RORA: variants seen among roughly 807,000 people sequenced by gnomAD.
The protein encoded by RORA is nuclear receptor ROR-alpha.
RORA carries 7 observed loss-of-function variants against 69.5 expected under a neutral mutation model. The ratio of observed to expected loss-of-function variants is 0.10; its 90% CI spans 0.06 to 0.19. The LOEUF is 0.19. Ranked by LOEUF, RORA falls within the 10% of genes least tolerant of loss-of-function variation. RORA has a pLI of 1.00. For synonymous variants in RORA, 261 were observed against 240.8 expected (o/e 1.08, Z -0.78); for missense variants, 457 against 663.0 (o/e 0.69, Z 3.41).
intron 1 of RORA, among the ~76,000 whole-genome samples, chr15:60,968,027 C>T (rs977068640): frequency 6.6e-6 from 1 of 152,214 alleles, no homozygotes; most frequent in African/African-American, 2.4e-5. Context: ...GGAAACACCA[C>T]TGAACATCAC....
At chr15:60,946,466 C>G (rs549613028) in intron 1 of RORA, among the ~76,000 whole-genome samples, 177 of 152,346 alleles carry the variant, frequency 1.2e-3, no homozygotes, top group Middle Eastern at 0.01. Context: ...GACGGGGTTT[C>G]GCTTTGTTGG....
At chr15:60,951,283 C>G (rs893046432) in intron 1 of RORA, among the ~76,000 whole-genome samples, 8 of 133,994 alleles carry the variant, frequency 6.0e-5, no homozygotes, top group South Asian at 2.8e-4. Flanking sequence ...GGGACACATT[C>G]AAAGCAGTGT....
chr15:61,165,721 A>G lies in RORA; in HGVS notation c.166+63332T>C, dbSNP rs75443409. 2.6e-4 allele frequency among the ~76,000 whole-genome samples: 40 copies of G among 152,284 alleles called. 1 individual carries two copies. In the East Asian group the frequency reaches 7.3e-3, roughly 28 times the overall value. ...GTTCACAGAAATGAAAGAGGGGCAA[A>G]CAACATCCCACTTTAAACATGAAAG... On this transcript the variant is annotated intron_variant, in intron 1 of 10. Coordinates refer to ENST00000335670, the MANE Select transcript of RORA (RefSeq NM_134261.3).
chr15:61,082,820 G>A (rs549558554), intron 1 of RORA, among the ~76,000 whole-genome samples: 1 of 152,166 alleles, frequency 6.6e-6, no homozygotes, highest in Admixed American at 6.5e-5. Flanking sequence ...AGGATTCTAA[G>A]AGAAGAGATA....
intron 1 of RORA, among the ~76,000 whole-genome samples, chr15:60,981,775 G>T (rs755891253): frequency 4.6e-5 from 7 of 150,576 alleles, no homozygotes; most frequent in Non-Finnish European, 8.8e-5. Context: ...TAAAGTCTTT[G>T]TCTAGTAATG....
At chr15:61,055,145 A>C (rs1026311250) in intron 1 of RORA, among the ~76,000 whole-genome samples, 1 of 152,140 alleles carries the variant, frequency 6.6e-6, no homozygotes, top group African/African-American at 2.4e-5. Flanking sequence ...CCTAAAACAC[A>C]GTCTTGAACT....
At chr15:60,623,513 T>C (rs2069476536) in intron 2 of RORA, among the ~76,000 whole-genome samples, 1 of 152,178 alleles carries the variant, frequency 6.6e-6, no homozygotes, top group Non-Finnish European at 1.5e-5. Context: ...GATTCCCCCA[T>C]GAAAGCACCA....
chr15:61,030,157 C>T (rs899143555), intron 1 of RORA, among the ~76,000 whole-genome samples: 1 of 152,076 alleles, frequency 6.6e-6, no homozygotes, highest in African/African-American at 2.4e-5. Flanking sequence ...GAAGTGTTCA[C>T]ATTAAAGGAA....
Position 60,531,586 on chromosome 15 carries a change from T to G in RORA, c.282+180A>C, listed in dbSNP as rs1567064973. ...TCTCCTATTATTTTGAAGGAAGGAGTAAAAATATATATAACTTCTTTAATT... is the reference window on the plus strand; with the variant it reads ...TCTCCTATTATTTTGAAGGAAGGAGGAAAAATATATATAACTTCTTTAATT... On this transcript the variant is annotated intron_variant, in intron 3 of 10. Coordinates refer to ENST00000335670, the MANE Select transcript of RORA (RefSeq NM_134261.3). The surrounding 1 kb of genome is among the most constrained non-coding windows in gnomAD (Gnocchi z 4.8). 11 of 521,510 alleles carry G rather than the reference T, an allele frequency of 2.1e-5. No individual in the cohort carries two copies. The highest frequency in any genetic ancestry group is 4.3e-5 in the Admixed American group (1 of 23,482). The allele number at this position is 521,510 out of a possible 1,614,324, so 32.3% of individuals were successfully genotyped here. A position where few individuals can be genotyped will look rare whatever the true frequency, so the allele number is the denominator to read the frequency against.
At chr15:60,547,516 G>A (rs370394301) in intron 2 of RORA, among the ~76,000 whole-genome samples, 29 of 151,590 alleles carry the variant, frequency 1.9e-4, no homozygotes, top group East Asian at 3.9e-4. Context: ...TAGTAGAGAC[G>A]GGTTTCTCCA....
chr15:60,516,104 TATATTATA>T (rs2065910290), intron 3 of RORA, among the ~76,000 whole-genome samples: 1 of 77,450 alleles, frequency 1.3e-5, no homozygotes, highest in African/African-American at 5.0e-5. Context: ...TATATATTTA[TATATTATA>T]TTATATATAT....
intron 5 of RORA, among the ~76,000 whole-genome samples, chr15:60,507,438 CATA>C (rs771753066): frequency 2.0e-5 from 3 of 152,032 alleles, no homozygotes; most frequent in Admixed American, 6.6e-5. Context: ...GACACTGAAA[CATA>C]ATAAACCTGA....
At chr15:60,868,582 A>G (rs1437019442) in intron 1 of RORA, among the ~76,000 whole-genome samples, 3 of 152,148 alleles carry the variant, frequency 2.0e-5, no homozygotes, top group Non-Finnish European at 2.9e-5. Context: ...CTACTGTGAG[A>G]GGGATTTAAA....
rs140565298 is a variant in RORA at position 61,105,336 on chromosome 15, C to T, written c.166+123717G>A. On this transcript the variant is annotated intron_variant, in intron 1 of 10. Coordinates refer to ENST00000335670, the MANE Select transcript of RORA (RefSeq NM_134261.3). ...GAAGAATGTGTGATTTGTTCCAACA[C>T]GGAACATGATATATACTCACTAAGT... is the stretch of plus-strand genomic sequence containing the variant. 8.7e-3 allele frequency among the ~76,000 whole-genome samples: 1,327 copies of T among 152,212 alleles called. 17 individuals are homozygous for T. Among genetic ancestry groups the T allele is most frequent in the Non-Finnish European group, 9.1e-3 (616 of 68,014 alleles).
rs1015351138 is a variant in RORA at position 60,724,043 on chromosome 15, C to G, written c.167-45357G>C. ...AATCTGATAGTGTGCAATCTGTATA[C>G]TGACTTTACCTCTGGCTTCATGTTA... On this transcript the variant is annotated intron_variant, in intron 1 of 10. Coordinates refer to ENST00000335670, the MANE Select transcript of RORA (RefSeq NM_134261.3). Among the ~76,000 whole-genome samples the G allele has an allele frequency of 2.3e-4, 35 of 152,188 alleles. 1 individual carries two copies. The highest frequency in any genetic ancestry group is 2.2e-3 in the Admixed American group (34 of 15,276).
intron 1 of RORA, among the ~76,000 whole-genome samples, chr15:61,002,279 G>A (rs745667555): frequency 2.0e-5 from 3 of 152,142 alleles, no homozygotes; most frequent in African/African-American, 4.8e-5. Flanking sequence ...GGGATGCAGC[G>A]TCAGTGTGTT....
At chr15:60,671,339 G>C (rs1019666691) in intron 2 of RORA, among the ~76,000 whole-genome samples, 10 of 152,016 alleles carry the variant, frequency 6.6e-5, no homozygotes, top group Non-Finnish European at 1.5e-4. Flanking sequence ...CTGGTGTGGG[G>C]TACATAGCTG....
At chr15:60,640,470 C>G (rs533928020) in intron 2 of RORA, among the ~76,000 whole-genome samples, 34 of 152,214 alleles carry the variant, frequency 2.2e-4, no homozygotes, top group African/African-American at 8.2e-4. Context: ...AAATGTAAAT[C>G]ACATCATGCC....
At chr15:61,143,232 G>A (rs1232494840) in intron 1 of RORA, among the ~76,000 whole-genome samples, 1 of 151,804 alleles carries the variant, frequency 6.6e-6, no homozygotes, top group Non-Finnish European at 1.5e-5. Flanking sequence ...AGCAAAATGG[G>A]CATATATTTA....
Sources: gnomAD v4.1 joint callset for allele counts (sites outside exome capture counted in the v4.1 genomes callset) on GRCh38, gnomAD v4.1.1 for gene constraint, Gnocchi (gnomAD v3.1) non-coding constraint, MANE v1.5 for transcripts, NCBI Gene and HGNC (gene_info 2026-07-23, HGNC 2026-07-21) for gene names.